The following MIB1 variants were observed in gnomAD, a reference collection of about 807,000 sequenced individuals.
MIB1 encodes MIB E3 ubiquitin protein ligase 1.
Under a neutral mutation model 124.5 loss-of-function variants are expected in MIB1, and 278 were observed. The observed-to-expected ratio is 2.23, with a 90% confidence interval of 2.02 to 2.47. MIB1 has a LOEUF of 2.47. Ranked by LOEUF, MIB1 falls within the 30% of genes most tolerant of loss-of-function variation. The pLI is 0.00. For synonymous variants in MIB1, 446 were observed against 429.4 expected (o/e 1.04, Z -0.48); for missense variants, 957 against 1,254.4 (o/e 0.76, Z 3.58).
intron 1 of MIB1, among the ~76,000 whole-genome samples, chr18:21,733,624 A>T (rs1423610591): frequency 6.6e-6 from 1 of 152,234 alleles, no homozygotes; most frequent in Non-Finnish European, 1.5e-5. Flanking sequence ...GGGCATGAAC[A>T]AGATTAATTT....
At chr18:21,772,216 A>G (rs1243461524) in intron 3 of MIB1, among the ~76,000 whole-genome samples, 1 of 152,196 alleles carries the variant, frequency 6.6e-6, no homozygotes, top group Non-Finnish European at 1.5e-5. Flanking sequence ...ATTTAAAGTA[A>G]TAGTTTTTAA....
At chr18:21,707,452 C>T (rs995975709) in intron 1 of MIB1, among the ~76,000 whole-genome samples, 3 of 152,212 alleles carry the variant, frequency 2.0e-5, no homozygotes, top group African/African-American at 7.2e-5. Context: ...CTGGGGTCGC[C>T]TTCCACGTTG....
Position 21,864,401 on chromosome 18 carries a change from T to C in MIB1, c.2881-125T>C, listed in dbSNP as rs896791904. ...TAACTATTTAAAAATGTTAAAAAAT[T>C]GTTTTTAAAAACCACCAAAATATTA... On this transcript the variant is annotated intron_variant, in intron 20 of 20. Transcript: ENST00000261537. 12 of 687,168 alleles carry C rather than the reference T, an allele frequency of 1.7e-5. No individual in the cohort carries two copies. In the African/African-American group the frequency reaches 2.0e-4, roughly 11 times the overall value. The allele number at this position is 687,168 out of a possible 1,614,324, so 42.6% of individuals were successfully genotyped here.
At chr18:21,819,697 G>T in intron 12 of MIB1, 51 bp downstream of exon 12, 1 of 1,287,130 alleles carries the variant, frequency 7.8e-7, no homozygotes. Context: ...TTTTCCTACT[G>T]TTGATTCTCT....
chr18:21,797,733 C>G (rs1008838063), intron 7 of MIB1, among the ~76,000 whole-genome samples: 1 of 151,574 alleles, frequency 6.6e-6, no homozygotes, highest in Non-Finnish European at 1.5e-5. Context: ...CTTTTTCAGG[C>G]TATATTGATG....
chr18:21,761,870 A>G (rs190418135), intron 1 of MIB1, among the ~76,000 whole-genome samples: 1 of 152,300 alleles, frequency 6.6e-6, no homozygotes, highest in African/African-American at 2.4e-5. Flanking sequence ...CTTTCTAAGC[A>G]CGAAGCCTCA....
intron 8 of MIB1, 50 bp downstream of exon 8, chr18:21,798,278 C>G: frequency 6.4e-7 from 1 of 1,571,546 alleles, no homozygotes; most frequent in Non-Finnish European, 8.7e-7. Flanking sequence ...TACATTAAAA[C>G]CTTTGCTAAT....
At position 21,741,784 on chromosome 18, in the gene MIB1, C is replaced by T. The variant is rs758397095; in HGVS notation, c.201C>T (p.Asp67=). The T allele has an allele frequency of 2.1e-5, 34 of 1,606,922 alleles. No individual in the cohort carries two copies. Among genetic ancestry groups the T allele is most frequent in the Middle Eastern group, 1.7e-4 (1 of 5,816 alleles). ...ACTACCGCTGCTCCGGGGCTTACGACCTCCGCATCCTGGACAGCGCGCCCA... is the reference window on the plus strand; with the variant it reads ...ACTACCGCTGCTCCGGGGCTTACGATCTCCGCATCCTGGACAGCGCGCCCA... ...AANYRCSGAY[D]LRILDSAPTG... is the part of the protein sequence containing the mutation. Residue 67 remains aspartate, a synonymous_variant, in exon 1 of 21, where the codon GAC becomes GAT. Coordinates refer to ENST00000261537, the MANE Select transcript of MIB1 (RefSeq NM_020774.4). The surrounding 1 kb of genome is among the most constrained non-coding windows in gnomAD (Gnocchi z 5.4).
At chr18:21,719,448 A>T (rs940597597) in intron 1 of MIB1, among the ~76,000 whole-genome samples, 1 of 151,980 alleles carries the variant, frequency 6.6e-6, no homozygotes, top group Non-Finnish European at 1.5e-5. Context: ...AACAGAGTTT[A>T]AAAAAAATTT....
At chr18:21,713,603 ATT>A (rs1340825771) in intron 1 of MIB1, among the ~76,000 whole-genome samples, 1 of 118,746 alleles carries the variant, frequency 8.4e-6, no homozygotes, top group African/African-American at 3.6e-5. Context: ...ACAGAGCAAG[ATT>A]CTGTCTCAAA....
intron 11 of MIB1, among the ~76,000 whole-genome samples, chr18:21,819,237 A>C (rs535938393): frequency 5.7e-4 from 86 of 152,114 alleles, no homozygotes; most frequent in Non-Finnish European, 1.0e-3. Flanking sequence ...CAAGGTCTCT[A>C]TATGTTGCCC....
chr18:21,866,179 T>C lies in MIB1; in HGVS notation c.*1513T>C, dbSNP rs952184433. ...AGAACACCAACTAAATTTGAAAGTA[T>C]GAAGTCTCTAGCCCTCTTACACTGT... On this transcript the variant is annotated 3_prime_UTR_variant, in exon 21 of 21. Transcript: ENST00000261537. The C allele has an allele frequency of 6.6e-6, 1 of 152,224 alleles. No homozygotes were observed. Among genetic ancestry groups the C allele is most frequent in the Admixed American group, 6.5e-5 (1 of 15,276 alleles). 9.4% of individuals were successfully genotyped at this position (152,224 alleles called of 1,614,324 possible). A position where few individuals can be genotyped will look rare whatever the true frequency, so the allele number is the denominator to read the frequency against.
At chr18:21,838,760 A>G (rs1471929168) in intron 13 of MIB1, among the ~76,000 whole-genome samples, 2 of 152,162 alleles carry the variant, frequency 1.3e-5, no homozygotes, top group African/African-American at 4.8e-5. Context: ...GTCCTGTGAA[A>G]TGGGCATCAA....
At chr18:21,804,159 A>G (rs1408866134) in intron 10 of MIB1, 145 bp downstream of exon 10, 1 of 630,670 alleles carries the variant, frequency 1.6e-6, no homozygotes, top group Non-Finnish European at 2.8e-6. Flanking sequence ...GACAGAGGCA[A>G]CTTGAAACAG....
At chr18:21,754,028 A>T (rs535276952) in intron 1 of MIB1, among the ~76,000 whole-genome samples, 12 of 151,678 alleles carry the variant, frequency 7.9e-5, no homozygotes, top group Non-Finnish European at 1.6e-4. Flanking sequence ...TCACCTCCTA[A>T]CCCCCATCTC....
intron 3 of MIB1, among the ~76,000 whole-genome samples, chr18:21,771,869 G>A (rs1454827785): frequency 6.6e-6 from 1 of 151,850 alleles, no homozygotes; most frequent in Non-Finnish European, 1.5e-5. Flanking sequence ...GCATGGTGGT[G>A]GGCACCTGTA....
chr18:21,752,880 T>C (rs1439445343), intron 1 of MIB1, among the ~76,000 whole-genome samples: 1 of 152,186 alleles, frequency 6.6e-6, no homozygotes, highest in Non-Finnish European at 1.5e-5. Flanking sequence ...AATTGAGGAA[T>C]TAAAAGTTTA....
chr18:21,834,105 A>G (rs1322098316), intron 12 of MIB1, among the ~76,000 whole-genome samples: 49 of 152,154 alleles, frequency 3.2e-4, no homozygotes, highest in Non-Finnish European at 7.4e-5. Flanking sequence ...GCTGCAGGGA[A>G]CAGCCTGCTG....
chr18:21,800,382 C>G (rs1178171863), intron 9 of MIB1, among the ~76,000 whole-genome samples: 1 of 151,510 alleles, frequency 6.6e-6, no homozygotes, highest in Non-Finnish European at 1.5e-5. Flanking sequence ...ATTTTCAATC[C>G]TTCTTTTCAA....
Sources: gnomAD v4.1 joint callset for allele counts (sites outside exome capture counted in the v4.1 genomes callset) on GRCh38, gnomAD v4.1.1 for gene constraint, Gnocchi (gnomAD v3.1) non-coding constraint, MANE v1.5 for transcripts, NCBI Gene and HGNC (gene_info 2026-07-23, HGNC 2026-07-21) for gene names.